USP13: variants seen among roughly 807,000 people sequenced by gnomAD.
The protein encoded by USP13 is ubiquitin specific peptidase 13.
Under a neutral mutation model 107.8 loss-of-function variants are expected in USP13, and 68 were observed. That is an observed-to-expected ratio of 0.63 (90% CI 0.52 to 0.77). The LOEUF (loss-of-function observed/expected upper bound fraction) is 0.77, where lower values mean the gene tolerates loss of function less well. USP13 is among the 30% of genes least tolerant of loss of function. The pLI, the probability that USP13 is intolerant of heterozygous loss-of-function variation, is 0.00. For missense variants in USP13, 945 were observed against 1,093.3 expected (o/e 0.86, Z 1.91); for synonymous variants, 377 against 389.5 (o/e 0.97, Z 0.38).
chr3:179,708,716 T>C (rs1288807749), intron 5 of USP13, 57 bp from the exon 6 acceptor site: 3 of 1,592,296 alleles, frequency 1.9e-6, no homozygotes, highest in African/African-American at 2.7e-5. Context: ...TCTTCTTAGA[T>C]GTTAAGTTTT....
chr3:179,688,062 C>T (rs953208162), intron 2 of USP13, among the ~76,000 whole-genome samples: 16 of 146,690 alleles, frequency 1.1e-4, no homozygotes, highest in Non-Finnish European at 1.9e-4. Context: ...ACCTGTTTTA[C>T]TCCCTGTAAT....
At chr3:179,746,809 C>T (rs1173809697) in intron 13 of USP13, among the ~76,000 whole-genome samples, 1 of 152,102 alleles carries the variant, frequency 6.6e-6, no homozygotes, top group East Asian at 1.9e-4. Flanking sequence ...AGGTGATCTG[C>T]CCTCCTCAGC....
rs1428296361 is a variant in USP13 at position 179,721,810 on chromosome 3, G to A, written c.1088+221G>A. On this transcript the variant is annotated intron_variant, in intron 8 of 20. Coordinates refer to ENST00000263966, the MANE Select transcript of USP13 (RefSeq NM_003940.3). The surrounding 1 kb of genome is among the most constrained non-coding windows in gnomAD (Gnocchi z 4.3). ...TTTGTGGCCGGGCGCAGTGTCTAACGCCTGTAATCTCAGCACTTTGGGAGG... is the reference window on the plus strand; with the variant it reads ...TTTGTGGCCGGGCGCAGTGTCTAACACCTGTAATCTCAGCACTTTGGGAGG... Among the ~76,000 whole-genome samples, 4 of 152,090 alleles carry A rather than the reference G, an allele frequency of 2.6e-5. No homozygotes were observed. The highest frequency in any genetic ancestry group is 1.3e-4 in the Admixed American group (2 of 15,256).
chr3:179,707,054 A>G lies in USP13; in HGVS notation c.598A>G (p.Asn200Asp). Reference sequence around the variant, plus strand: ...TGCCAACAACCTCACCCAGCTGGACAATGGAGTCAGGATTCCTCCAAGGTG... The same window carrying G: ...TGCCAACAACCTCACCCAGCTGGACGATGGAGTCAGGATTCCTCCAAGGTG... Reference protein sequence around the residue: ...KYANNLTQLDNGVRIPPSGWK... With the variant: ...KYANNLTQLDDGVRIPPSGWK... Residue 200 changes from asparagine (N) to aspartate (D), a missense_variant, in exon 5 of 21, where the codon AAT (asparagine) becomes GAT (aspartate). Physicochemically the swap from Asn to Asp is conservative, Grantham distance 23. Coordinates refer to ENST00000263966, the MANE Select transcript of USP13 (RefSeq NM_003940.3). 6.2e-7 allele frequency: 1 copy of G among 1,614,056 alleles called. No individual in the cohort carries two copies. The highest frequency in any genetic ancestry group is 8.5e-7 in the Non-Finnish European group (1 of 1,180,004).
intron 14 of USP13, 79 bp downstream of exon 14, chr3:179,752,452 A>G: frequency 9.5e-7 from 1 of 1,050,232 alleles, no homozygotes; most frequent in Non-Finnish European, 1.5e-6. Context: ...GAGCCCATGT[A>G]GTTGGCTGCC....
chr3:179,772,093 TC>T (rs987322302), intron 19 of USP13, among the ~76,000 whole-genome samples: 8 of 152,222 alleles, frequency 5.3e-5, no homozygotes, highest in African/African-American at 1.2e-4. Context: ...GTGCAGTTTT[TC>T]CTTTATCCCC....
intron 1 of USP13, among the ~76,000 whole-genome samples, chr3:179,661,127 GAA>G (rs1468374894): frequency 6.6e-6 from 1 of 152,170 alleles, no homozygotes; most frequent in African/African-American, 2.4e-5. Context: ...ATGAGAGAGA[GAA>G]AGGCAAGTAA....
At chr3:179,772,850 G>A (rs1392259203) in intron 19 of USP13, among the ~76,000 whole-genome samples, 2 of 152,188 alleles carry the variant, frequency 1.3e-5, no homozygotes, top group African/African-American at 4.8e-5. Context: ...GCAATTCGTA[G>A]ACCCTTTACA....
chr3:179,734,032 T>C (rs1320827562), intron 10 of USP13, among the ~76,000 whole-genome samples: 1 of 152,198 alleles, frequency 6.6e-6, no homozygotes, highest in Admixed American at 6.5e-5. Flanking sequence ...AGGGGGCGTT[T>C]GAAGTTTGCA....
intron 3 of USP13, among the ~76,000 whole-genome samples, chr3:179,695,186 T>G (rs2108468799): frequency 6.6e-6 from 1 of 152,364 alleles, no homozygotes; most frequent in Admixed American, 6.5e-5. Flanking sequence ...TAGGAAGTAC[T>G]ATTTCACTGG....
intron 14 of USP13, among the ~76,000 whole-genome samples, chr3:179,753,956 G>A (rs541463252): frequency 1.3e-5 from 2 of 152,164 alleles, no homozygotes; most frequent in Non-Finnish European, 2.9e-5. Flanking sequence ...TAATACACTT[G>A]AGATTCAATT....
chr3:179,671,329 G>A (rs1720744931), intron 1 of USP13, among the ~76,000 whole-genome samples: 1 of 152,092 alleles, frequency 6.6e-6, no homozygotes, highest in Non-Finnish European at 1.5e-5. Flanking sequence ...GGGAAGCCAG[G>A]TTTGAGAAAA....
intron 19 of USP13, among the ~76,000 whole-genome samples, chr3:179,774,252 T>C (rs549840721): frequency 4.6e-5 from 7 of 152,282 alleles, no homozygotes; most frequent in African/African-American, 1.7e-4. Context: ...AAGGTATTCA[T>C]GAGGGATCCA....
At position 179,789,323 on chromosome 3, in the gene USP13, G is replaced by C. The variant is rs543410237; in HGVS notation, c.*5182G>C. The C allele has an allele frequency of 6.6e-6, 1 of 152,292 alleles. No individual in the cohort carries two copies. The highest frequency in any genetic ancestry group is 2.1e-4 in the South Asian group (1 of 4,822). The allele number at this position is 152,292 out of a possible 1,614,324, so 9.4% of individuals were successfully genotyped here. ...TGTTAAACTGTATCAAATGTTTTGG[G>C]AGATTATTTGCCTGAGATGGAAAGA... On this transcript the variant is annotated 3_prime_UTR_variant, in exon 21 of 21. Coordinates refer to ENST00000263966, the MANE Select transcript of USP13 (RefSeq NM_003940.3).
chr3:179,693,373 G>A (rs1712176861), intron 3 of USP13, among the ~76,000 whole-genome samples: 1 of 152,094 alleles, frequency 6.6e-6, no homozygotes, highest in Admixed American at 6.6e-5. Context: ...GGCTGGTCTT[G>A]AACTTCTATG....
At position 179,706,672 on chromosome 3, in the gene USP13, T is replaced by C. The variant is rs543819545; in HGVS notation, c.478-262T>C. On this transcript the variant is annotated intron_variant, in intron 4 of 20. Coordinates refer to ENST00000263966, the MANE Select transcript of USP13 (RefSeq NM_003940.3). ...TTGCTAAGTGGTAGGAATTGTTAAA[T>C]CTGACCTCTAAGCTTGGGCTTAGAA... Among the ~76,000 whole-genome samples the C allele has an allele frequency of 2.4e-3, 368 of 152,312 alleles. 2 individuals are homozygous for C. Among genetic ancestry groups the C allele is most frequent in the Middle Eastern group, 0.014 (4 of 294 alleles).
At chr3:179,783,151 A>G (rs1715805805) in intron 20 of USP13, among the ~76,000 whole-genome samples, 1 of 152,250 alleles carries the variant, frequency 6.6e-6, no homozygotes, top group Non-Finnish European at 1.5e-5. Context: ...TGCTTTTTAA[A>G]AGAAAAATAG....
rs746912058 is a variant in USP13, at chr3:179,740,302, A to G, written c.1310A>G (p.His437Arg). Reference protein sequence around the residue: ...RMFKAFVSKSHPEFSSNRQQD... With the variant: ...RMFKAFVSKSRPEFSSNRQQD... ...TTTAAGGCCTTTGTAAGCAAGAGCC[A>G]CCCGGAATTCTCCTCTAACAGGCAG... is the stretch of plus-strand genomic sequence containing the variant. Residue 437 changes from histidine (H) to arginine (R), a missense_variant, in exon 11 of 21, where the codon CAC (histidine) becomes CGC (arginine). His to Arg is a conservative substitution (Grantham distance 29, BLOSUM62 0). Transcript: ENST00000263966. 2.5e-6 allele frequency: 4 copies of G among 1,614,118 alleles called. No homozygotes were observed. The South Asian group carries it at 4.4e-5, about 18-fold the overall frequency.
At position 179,740,256 on chromosome 3, in the gene USP13, A is replaced by T; in HGVS notation, c.1264A>T (p.Asn422Tyr). 1 of 1,614,148 alleles carries T rather than the reference A, an allele frequency of 6.2e-7. No homozygotes were observed. Among genetic ancestry groups the T allele is most frequent in the Middle Eastern group, 1.6e-4 (1 of 6,062 alleles). ...VMKEEHKPQQ[N>Y]GISPRMFKAF... ...CATTTTTATACATTAGCCACAGCAG[A>T]ACGGGATCTCTCCGCGCATGTTTAA... The change falls in exon 11 of 21, where the codon AAC becomes TAC. Residue 422 changes from asparagine to tyrosine, a missense_variant. Asn to Tyr is a moderately radical substitution (Grantham distance 143). Transcript: ENST00000263966.
Sources: allele counts gnomAD v4.1 joint callset (sites outside exome capture counted in the v4.1 genomes callset), GRCh38; gene constraint gnomAD v4.1.1; non-coding constraint Gnocchi (gnomAD v3.1); transcripts MANE v1.5; gene names NCBI Gene and HGNC (gene_info 2026-07-23, HGNC 2026-07-21).